Variants in GRID1 observed in about 807,000 individuals in gnomAD.
GRID1 encodes glutamate ionotropic receptor delta type subunit 1.
Under a neutral mutation model 98.0 loss-of-function variants are expected in GRID1, and 28 were observed. That is an observed-to-expected ratio of 0.29 (90% CI 0.21 to 0.39). GRID1 has a LOEUF of 0.39. Among genes scored for constraint, GRID1 ranks in the 10% least tolerant of loss-of-function variants. The pLI is 1.00. For missense variants in GRID1, 1,111 were observed against 1,340.5 expected (o/e 0.83, Z 2.67); for synonymous variants, 553 against 538.5 (o/e 1.03, Z -0.37).
At chr10:86,127,112 G>A (rs1163482823) in intron 4 of GRID1, among the ~76,000 whole-genome samples, 1 of 152,220 alleles carries the variant, frequency 6.6e-6, no homozygotes, top group East Asian at 1.9e-4. Context: ...GGGCAGCTAT[G>A]CGGCCCCCTT....
chr10:85,984,423 G>T (rs925231199), intron 4 of GRID1, among the ~76,000 whole-genome samples: 1 of 152,214 alleles, frequency 6.6e-6, no homozygotes, highest in Non-Finnish European at 1.5e-5. Context: ...GGCATGAGCT[G>T]CTTATGTCAA....
At chr10:85,857,953 C>A (rs752414820) in intron 6 of GRID1, among the ~76,000 whole-genome samples, 2 of 152,148 alleles carry the variant, frequency 1.3e-5, no homozygotes, top group South Asian at 4.1e-4. Flanking sequence ...TTAGGTGGCG[C>A]GAACTCTCCA....
Position 86,272,180 on chromosome 10 carries a change from AT to A in GRID1, c.236-65533del, listed in dbSNP as rs531328266. Among the ~76,000 whole-genome samples the A allele has an allele frequency of 2.1e-3, 323 of 152,340 alleles. 1 individual carries two copies. The highest frequency in any genetic ancestry group is 7.2e-3 in the African/African-American group (299 of 41,578). Reference sequence around the variant, plus strand: ...CTAGATTTTTATACCATGAAAAAAAATCTTTCAAAAATGATGGTGGAGGAGA... The same window carrying A: ...CTAGATTTTTATACCATGAAAAAAAACTTTCAAAAATGATGGTGGAGGAGA... On this transcript the variant is annotated intron_variant, in intron 2 of 15. Coordinates refer to ENST00000327946, the MANE Select transcript of GRID1 (RefSeq NM_017551.3).
At chr10:86,217,149 G>T (rs538572968) in intron 2 of GRID1, among the ~76,000 whole-genome samples, 1 of 152,294 alleles carries the variant, frequency 6.6e-6, no homozygotes, top group East Asian at 1.9e-4. Flanking sequence ...AGAGATCCTA[G>T]GTTACAGCAT....
chr10:86,334,963 A>G (rs1848203040), intron 2 of GRID1, among the ~76,000 whole-genome samples: 1 of 152,212 alleles, frequency 6.6e-6, no homozygotes, highest in Admixed American at 6.5e-5. Flanking sequence ...GGGAGGAGCC[A>G]TTTGCTGCTG....
intron 4 of GRID1, among the ~76,000 whole-genome samples, chr10:85,989,807 T>C (rs1001050933): frequency 6.6e-6 from 1 of 152,206 alleles, no homozygotes; most frequent in African/African-American, 2.4e-5. Flanking sequence ...TCTGACAGTT[T>C]ATATCTCTGC....
chr10:86,140,054 C>T (rs577887915), intron 3 of GRID1, among the ~76,000 whole-genome samples: 1 of 152,342 alleles, frequency 6.6e-6, no homozygotes, highest in East Asian at 1.9e-4. Context: ...GAGGCTGAAG[C>T]CTGTTTCTCC....
intron 4 of GRID1, among the ~76,000 whole-genome samples, chr10:86,088,903 A>C (rs1844103435): frequency 6.6e-6 from 1 of 152,104 alleles, no homozygotes; most frequent in East Asian, 1.9e-4. Context: ...CAGGCAAAAA[A>C]AAAAATGCTA....
intron 5 of GRID1, among the ~76,000 whole-genome samples, chr10:85,880,690 G>A (rs1466130586): frequency 6.6e-6 from 1 of 151,930 alleles, no homozygotes; most frequent in African/African-American, 2.4e-5. Context: ...AAAACTGGAA[G>A]CATTCCCTTT....
At chr10:85,773,310 G>C (rs1842292691) in intron 8 of GRID1, among the ~76,000 whole-genome samples, 2 of 152,090 alleles carry the variant, frequency 1.3e-5, no homozygotes, top group South Asian at 4.1e-4. Flanking sequence ...ATTAGGTATT[G>C]ATGGGATGTA....
chr10:85,653,329 T>C (rs1364239148), intron 12 of GRID1, among the ~76,000 whole-genome samples: 3 of 152,204 alleles, frequency 2.0e-5, no homozygotes, highest in Non-Finnish European at 4.4e-5. Context: ...AGGGTGGATT[T>C]TGAGCCATTG....
At chr10:86,032,854 C>T (rs1488788647) in intron 4 of GRID1, among the ~76,000 whole-genome samples, 1 of 142,106 alleles carries the variant, frequency 7.0e-6, no homozygotes, top group Non-Finnish European at 1.5e-5. Flanking sequence ...AAAAAGAGTA[C>T]CTCCTTGATA....
At chr10:85,821,003 T>C (rs1842764749) in intron 8 of GRID1, among the ~76,000 whole-genome samples, 2 of 152,124 alleles carry the variant, frequency 1.3e-5, no homozygotes, top group Non-Finnish European at 2.9e-5. Context: ...AGCCAAAATC[T>C]AGAAACAATG....
At chr10:85,698,037 T>C (rs80211111) in intron 12 of GRID1, among the ~76,000 whole-genome samples, 1 of 152,096 alleles carries the variant, frequency 6.6e-6, no homozygotes, top group Non-Finnish European at 1.5e-5. Flanking sequence ...ACGGTGAGTA[T>C]GTGAGGGTAT....
At chr10:86,229,168 C>T (rs147813209) in intron 2 of GRID1, among the ~76,000 whole-genome samples, 17 of 152,276 alleles carry the variant, frequency 1.1e-4, no homozygotes, top group African/African-American at 3.9e-4. Context: ...TAGCCATGTG[C>T]CTCTGTGCCT....
intron 2 of GRID1, among the ~76,000 whole-genome samples, chr10:86,239,367 G>A (rs1846591738): frequency 2.0e-5 from 3 of 152,200 alleles, no homozygotes; most frequent in South Asian, 2.1e-4. Flanking sequence ...ATAGGCAGAA[G>A]GTACTTGCCT....
At chr10:86,139,293 C>G (rs937039290) in intron 3 of GRID1, among the ~76,000 whole-genome samples, 5 of 152,170 alleles carry the variant, frequency 3.3e-5, no homozygotes, top group Non-Finnish European at 7.3e-5. Context: ...GCCCTTGATT[C>G]ATGACAAGCT....
chr10:86,041,670 G>A (rs567258594), intron 4 of GRID1, among the ~76,000 whole-genome samples: 9 of 152,248 alleles, frequency 5.9e-5, no homozygotes, highest in Admixed American at 2.6e-4. Context: ...ATCAAGCCTC[G>A]GTTTCCTAAT....
intron 4 of GRID1, among the ~76,000 whole-genome samples, chr10:86,076,495 T>C (rs74854535): frequency 1.1e-4 from 16 of 152,072 alleles, no homozygotes; most frequent in Non-Finnish European, 2.1e-4. Context: ...GTAAGAAGTG[T>C]GTGCATTGAG....
Sources: allele counts gnomAD v4.1 joint callset (sites outside exome capture counted in the v4.1 genomes callset), GRCh38; gene constraint gnomAD v4.1.1; transcripts MANE v1.5; gene names NCBI Gene and HGNC (gene_info 2026-07-23, HGNC 2026-07-21).